The following MAPKAPK2 variants were observed in gnomAD, a reference collection of about 807,000 sequenced individuals.
The protein encoded by MAPKAPK2 is MAP kinase-activated protein kinase 2.
In MAPKAPK2, 9 loss-of-function variants were observed where a neutral mutation model predicts 48.8. The ratio of observed to expected loss-of-function variants is 0.18; its 90% CI spans 0.11 to 0.32. The LOEUF (loss-of-function observed/expected upper bound fraction) is 0.32, where lower values mean the gene tolerates loss of function less well. MAPKAPK2 is among the 10% of genes least tolerant of loss of function. The pLI, the probability that MAPKAPK2 is intolerant of heterozygous loss-of-function variation, is 1.00. For synonymous variants in MAPKAPK2, 202 were observed against 190.6 expected (o/e 1.06, Z -0.49); for missense variants, 331 against 498.3 (o/e 0.66, Z 3.20).
chr1:206,700,003 C>CTTTTTTTTTTT (rs574216957), intron 1 of MAPKAPK2, among the ~76,000 whole-genome samples: 1 of 126,354 alleles, frequency 7.9e-6, no homozygotes, highest in Non-Finnish European at 1.7e-5. Context: ...CTTCTTCTTA[C>CTTTTTTTTTTT]TTTTTTTTTT....
intron 1 of MAPKAPK2, among the ~76,000 whole-genome samples, chr1:206,702,025 C>G (rs73082908): frequency 4.4e-4 from 67 of 152,134 alleles, no homozygotes; most frequent in African/African-American, 1.5e-3. Context: ...GAGGAGGTAA[C>G]CTGGAATGTG....
chr1:206,692,749 A>C (rs1197938320), intron 1 of MAPKAPK2, among the ~76,000 whole-genome samples: 1 of 152,170 alleles, frequency 6.6e-6, no homozygotes, highest in African/African-American at 2.4e-5. Context: ...GAGCCCTCCA[A>C]AAGGGTCATA....
Position 206,732,702 on chromosome 1 carries a change from C to T in MAPKAPK2, c.1187C>T (p.Ala396Val), listed in dbSNP as rs782232686. ...AAGAAAGCTCGGGCCCTGGAGGCTG[C>T]GGCTCTGGCCCACTGAGCCACCGCG... is the stretch of plus-strand genomic sequence containing the variant. ...RRKKARALEA[A>V]ALAH Residue 396 changes from alanine to valine, a missense_variant, in exon 10 of 10, where the codon GCG becomes GTG. Physicochemically the swap from Ala to Val is moderately conservative, Grantham distance 64. Coordinates refer to ENST00000367103, the MANE Select transcript of MAPKAPK2 (RefSeq NM_032960.4). The surrounding 1 kb of genome is among the most constrained non-coding windows in gnomAD (Gnocchi z 4.4). 6.2e-6 allele frequency: 10 copies of T among 1,614,140 alleles called. No individual in the cohort carries two copies. The highest frequency in any genetic ancestry group is 1.7e-4 in the Middle Eastern group (1 of 6,050).
intron 1 of MAPKAPK2, among the ~76,000 whole-genome samples, chr1:206,708,146 A>C (rs1283569270): frequency 2.6e-5 from 4 of 152,232 alleles, no homozygotes; most frequent in African/African-American, 9.6e-5. Context: ...ACATATGCTA[A>C]GATTCCCTGT....
At chr1:206,724,135 C>T (rs1006023907) in intron 1 of MAPKAPK2, among the ~76,000 whole-genome samples, 5 of 152,188 alleles carry the variant, frequency 3.3e-5, no homozygotes, top group African/African-American at 4.8e-5. Context: ...GTCCTCAGAG[C>T]ATGGTTCAGG....
chr1:206,727,702 G>C (rs1673746206), intron 1 of MAPKAPK2, among the ~76,000 whole-genome samples: 1 of 152,036 alleles, frequency 6.6e-6, no homozygotes, highest in African/African-American at 2.4e-5. Flanking sequence ...CTCGCTGCAA[G>C]CTCCACCTCT....
At chr1:206,729,248 AG>A in intron 3 of MAPKAPK2, 147 bp from the exon 4 acceptor site, 1 of 1,092,890 alleles carries the variant, frequency 9.2e-7, no homozygotes, top group Non-Finnish European at 1.4e-6. Context: ...TGACCAGGGA[AG>A]CTCCTGGTGG....
intron 1 of MAPKAPK2, among the ~76,000 whole-genome samples, chr1:206,687,931 A>G (rs1287054665): frequency 5.3e-5 from 8 of 152,182 alleles, no homozygotes; most frequent in South Asian, 2.1e-4. Flanking sequence ...GAAGTCTGCT[A>G]TGTTGCAGCC....
chr1:206,720,400 T>C (rs1158291425), intron 1 of MAPKAPK2, among the ~76,000 whole-genome samples: 1 of 152,228 alleles, frequency 6.6e-6, no homozygotes, highest in Admixed American at 6.5e-5. Flanking sequence ...AGTCTCACTC[T>C]GTTGCCCAGG....
In MAPKAPK2 at chr1:206,731,655, G is replaced by A. The variant is rs545600073; in HGVS notation, c.908G>A (p.Arg303Gln). 2.5e-5 allele frequency: 40 copies of A among 1,614,018 alleles called. No homozygotes were observed. The highest frequency in any genetic ancestry group is 4.0e-5 in the African/African-American group (3 of 75,002). Reference sequence around the variant, plus strand: ...CACCCCACAGTGAAGATGCTCATTCGGAATCTGCTGAAAACAGAGCCCACC... The same window carrying A: ...CACCCCACAGTGAAGATGCTCATTCAGAATCTGCTGAAAACAGAGCCCACC... The part of the protein sequence containing the change: ...EVSEEVKMLI[R>Q]NLLKTEPTQR... The change falls in exon 8 of 10, where the codon CGG (arginine) becomes CAG (glutamine). Residue 303 changes from arginine (R) to glutamine (Q), a missense_variant. Arg to Gln is a conservative substitution (Grantham distance 43). This residue lies in a region of MAPKAPK2 where 124 missense variants were observed against 194.6 expected (regional missense o/e 0.64). Coordinates refer to ENST00000367103, the MANE Select transcript of MAPKAPK2 (RefSeq NM_032960.4). This position sits in a 1 kb window ranked among gnomAD's most constrained non-coding sequence, Gnocchi z 5.9.
chr1:206,712,921 G>A (rs782624465), intron 1 of MAPKAPK2, among the ~76,000 whole-genome samples: 23 of 148,814 alleles, frequency 1.5e-4, no homozygotes, highest in African/African-American at 3.5e-4. Context: ...AGCTGAGATC[G>A]TGCCACTGCA....
chr1:206,698,628 T>C (rs1672703226), intron 1 of MAPKAPK2, among the ~76,000 whole-genome samples: 1 of 152,248 alleles, frequency 6.6e-6, no homozygotes, highest in African/African-American at 2.4e-5. Flanking sequence ...TATCAGGCAT[T>C]GTGTTAGGTG....
chr1:206,696,043 C>T (rs1572481876), intron 1 of MAPKAPK2: 2 of 873,284 alleles, frequency 2.3e-6, no homozygotes, highest in East Asian at 2.4e-5. Flanking sequence ...CCCGGGCAGC[C>T]AACATAGCAG....
intron 1 of MAPKAPK2, among the ~76,000 whole-genome samples, chr1:206,708,211 G>A (rs1344092985): frequency 2.0e-5 from 3 of 152,110 alleles, no homozygotes; most frequent in African/African-American, 7.2e-5. Context: ...TCTGCCCTCC[G>A]CAGGCCCCTG....
At chr1:206,705,379 C>G (rs986080566) in intron 1 of MAPKAPK2, among the ~76,000 whole-genome samples, 4 of 152,176 alleles carry the variant, frequency 2.6e-5, no homozygotes, top group Non-Finnish European at 5.9e-5. Flanking sequence ...TCTGTCATGC[C>G]TGGGAAGCAG....
intron 1 of MAPKAPK2, among the ~76,000 whole-genome samples, chr1:206,686,266 G>A (rs1672287121): frequency 6.6e-6 from 1 of 152,242 alleles, no homozygotes; most frequent in Non-Finnish European, 1.5e-5. Flanking sequence ...TGCTGATTCC[G>A]CCTCCTAGAG....
At chr1:206,705,656 T>C (rs1672930353) in intron 1 of MAPKAPK2, among the ~76,000 whole-genome samples, 1 of 152,190 alleles carries the variant, frequency 6.6e-6, no homozygotes, top group African/African-American at 2.4e-5. Flanking sequence ...CAAGGGCATC[T>C]GGAGGGTGGA....
At chr1:206,685,583 C>T in intron 1 of MAPKAPK2, 75 bp downstream of exon 1, 4 of 1,275,478 alleles carry the variant, frequency 3.1e-6, no homozygotes, top group South Asian at 3.2e-5. Context: ...GGTGCCCGTC[C>T]CGGCCTGGGT....
intron 1 of MAPKAPK2, among the ~76,000 whole-genome samples, chr1:206,725,144 T>C (rs538619844): frequency 2.6e-5 from 4 of 152,366 alleles, no homozygotes; most frequent in African/African-American, 9.6e-5. Context: ...GGAAGTGTGA[T>C]GTGAACCTAG....
Sources: gnomAD v4.1 joint callset for allele counts (sites outside exome capture counted in the v4.1 genomes callset) on GRCh38, gnomAD v4.1.1 for gene constraint, gnomAD v4.1.1 regional missense constraint, Gnocchi (gnomAD v3.1) non-coding constraint, MANE v1.5 for transcripts, NCBI Gene and HGNC (gene_info 2026-07-23, HGNC 2026-07-21) for gene names.